Variants in LYPLAL1 observed in about 807,000 individuals in gnomAD.
The protein encoded by LYPLAL1 is lysophospholipase-like protein 1.
LYPLAL1 carries 23 observed loss-of-function variants against 19.7 expected under a neutral mutation model. That is an observed-to-expected ratio of 1.17 (90% confidence interval 0.84 to 1.65). The LOEUF (loss-of-function observed/expected upper bound fraction) is 1.65. Among genes scored for constraint, LYPLAL1 ranks in the 40% most tolerant of loss-of-function variants. The pLI is 0.00. For synonymous variants in LYPLAL1, 119 were observed against 96.3 expected (o/e 1.24, Z -1.38); for missense variants, 355 against 279.4 (o/e 1.27, Z -1.93).
chr1:219,356,629 G>A, the LYPLAL1 span, among the ~76,000 whole-genome samples: 1 of 152,118 alleles, frequency 6.6e-6, no homozygotes, highest in African/African-American at 2.4e-5. Flanking sequence ...TTGCTTTGGG[G>A]GAAGTATATA....
At position 219,208,285 on chromosome 1, in the gene LYPLAL1, G is replaced by GT. The variant is rs1217636909; in HGVS notation, c.362-2246dup. On this transcript the variant is annotated intron_variant, in intron 3 of 4. Transcript: ENST00000366928. ...AATTTTAGTTTTTATAACTGATTAA[G>GT]TATTTGTATTTAAAAGGTTGGTGGA... Among the ~76,000 whole-genome samples the GT allele has an allele frequency of 7.2e-5, 11 of 151,894 alleles. No homozygotes were observed. In the East Asian group the frequency reaches 2.1e-3, roughly 29 times the overall value.
At chr1:219,291,821 A>T in the LYPLAL1 span, among the ~76,000 whole-genome samples, 1 of 151,858 alleles carries the variant, frequency 6.6e-6, no homozygotes, top group Non-Finnish European at 1.5e-5. Flanking sequence ...TTATTATGTT[A>T]CAAAATGCTC....
the LYPLAL1 span, among the ~76,000 whole-genome samples, chr1:219,393,283 G>C: frequency 2.6e-5 from 4 of 152,186 alleles, no homozygotes; most frequent in African/African-American, 9.7e-5. Flanking sequence ...GCCCAAAATG[G>C]CCTTGTCTTT....
the LYPLAL1 span, among the ~76,000 whole-genome samples, chr1:219,389,654 A>G: frequency 6.6e-6 from 1 of 152,178 alleles, no homozygotes; most frequent in African/African-American, 2.4e-5. Flanking sequence ...GAACTTCATC[A>G]TTAGCTAGAT....
chr1:219,396,634 C>A, the LYPLAL1 span, among the ~76,000 whole-genome samples: 322 of 151,918 alleles, frequency 2.1e-3, 3 homozygotes, highest in African/African-American at 7.6e-3. Context: ...TTGTAGAGAT[C>A]TTTCATCTCC....
the LYPLAL1 span, among the ~76,000 whole-genome samples, chr1:219,223,971 T>C: frequency 6.6e-6 from 1 of 152,176 alleles, no homozygotes; most frequent in African/African-American, 2.4e-5. Flanking sequence ...CTTTCTTCCC[T>C]ACCCTGATTT....
At chr1:219,293,724 G>A in the LYPLAL1 span, among the ~76,000 whole-genome samples, 49,070 of 152,046 alleles carry the variant, frequency 0.32, 8,375 homozygotes, top group East Asian at 0.61. Flanking sequence ...CACTAGACAT[G>A]TGCGTATATT....
chr1:219,358,399 G>C, the LYPLAL1 span, among the ~76,000 whole-genome samples: 1 of 152,152 alleles, frequency 6.6e-6, no homozygotes, highest in African/African-American at 2.4e-5. Context: ...AAACGACTAT[G>C]CATGTATACT....
the LYPLAL1 span, among the ~76,000 whole-genome samples, chr1:219,365,494 A>T: frequency 6.6e-6 from 1 of 152,150 alleles, no homozygotes; most frequent in Non-Finnish European, 1.5e-5. Flanking sequence ...GGAGAACCTG[A>T]GTTTTGTGGG....
chr1:219,291,317 T>C, the LYPLAL1 span, among the ~76,000 whole-genome samples: 10 of 152,246 alleles, frequency 6.6e-5, no homozygotes, highest in Admixed American at 2.0e-4. Flanking sequence ...TCTTTTAGCT[T>C]CTATTAAATG....
At chr1:219,306,072 T>A in the LYPLAL1 span, among the ~76,000 whole-genome samples, 1 of 152,190 alleles carries the variant, frequency 6.6e-6, no homozygotes, top group Admixed American at 6.5e-5. Flanking sequence ...ATGAACTCCA[T>A]ACATGTAATT....
At chr1:219,354,190 C>G in the LYPLAL1 span, among the ~76,000 whole-genome samples, 3 of 152,120 alleles carry the variant, frequency 2.0e-5, no homozygotes, top group South Asian at 2.1e-4. Flanking sequence ...AAAAAAATGG[C>G]AAAAGTTCCA....
chr1:219,284,638 C>G, the LYPLAL1 span, among the ~76,000 whole-genome samples: 146,924 of 152,324 alleles, frequency 0.96, 71,096 homozygotes, highest in East Asian at 1. Context: ...GCACTGTTCT[C>G]TGTGCTTTTT....
the LYPLAL1 span, among the ~76,000 whole-genome samples, chr1:219,263,722 TTCTGCTTTAATATTTTGC>T: frequency 1.3e-5 from 2 of 152,168 alleles, no homozygotes; most frequent in Non-Finnish European, 1.5e-5. Flanking sequence ...CTGCTGCTTC[TTCTGCTTTAATATTTTGC>T]TCAGCTCCCT....
At chr1:219,218,888 C>T in the LYPLAL1 span, among the ~76,000 whole-genome samples, 6,601 of 152,226 alleles carry the variant, frequency 0.043, 202 homozygotes, top group Middle Eastern at 0.12. Context: ...CTGTGCCTCC[C>T]GGGGTCCTGG....
At chr1:219,378,847 G>A in the LYPLAL1 span, among the ~76,000 whole-genome samples, 19,610 of 152,124 alleles carry the variant, frequency 0.13, 1,455 homozygotes, top group African/African-American at 0.21. Context: ...TTTTTAATTG[G>A]AACTTTAATA....
chr1:219,388,727 AG>A, the LYPLAL1 span, among the ~76,000 whole-genome samples: 17 of 152,184 alleles, frequency 1.1e-4, no homozygotes, highest in Non-Finnish European at 5.9e-5. Context: ...AAACAAAAAA[AG>A]CACAAAATGT....
At chr1:219,213,594 C>T (rs1572222057), downstream of LYPLAL1, among the ~76,000 whole-genome samples, 1 of 152,098 alleles carries the variant, frequency 6.6e-6, no homozygotes, top group Middle Eastern at 3.4e-3. Context: ...TTTCTTTTAT[C>T]AGCGTTTTTG....
the LYPLAL1 span, among the ~76,000 whole-genome samples, chr1:219,377,095 C>G: frequency 2.2e-4 from 34 of 152,258 alleles, no homozygotes; most frequent in African/African-American, 7.2e-4. Context: ...TGTCCACAGA[C>G]AGATGAGTGG....
Sources: gnomAD v4.1 joint callset for allele counts (sites outside exome capture counted in the v4.1 genomes callset) on GRCh38, gnomAD v4.1.1 for gene constraint, MANE v1.5 for transcripts, NCBI Gene and HGNC (gene_info 2026-07-23, HGNC 2026-07-21) for gene names.